Variants in RFX4 observed in about 807,000 individuals in gnomAD.
RFX4 encodes the protein transcription factor RFX4.
Under a neutral mutation model 95.0 loss-of-function variants are expected in RFX4, and 10 were observed. The ratio of observed to expected loss-of-function variants is 0.11; its 90% CI spans 0.06 to 0.18. The LOEUF is 0.18. Among genes scored for constraint, RFX4 ranks in the 10% least tolerant of loss-of-function variants. The pLI, the probability that RFX4 is intolerant of heterozygous loss-of-function variation, is 1.00. For missense variants in RFX4, 640 were observed against 922.0 expected (o/e 0.69, Z 3.96); for synonymous variants, 321 against 340.7 (o/e 0.94, Z 0.64).
Position 106,583,104 on chromosome 12 carries a change from C to T in RFX4, c.-217C>T. 2.3e-6 allele frequency: 1 copy of T among 435,466 alleles called. No individual in the cohort carries two copies. Among genetic ancestry groups the T allele is most frequent in the Non-Finnish European group, 4.0e-6 (1 of 251,858 alleles). The allele number at this position is 435,466 out of a possible 1,614,324, so 27.0% of individuals were successfully genotyped here. ...CCCCCTTCTCCGAGCTCGCTCCCTT[C>T]TCTCCCTCTCTCTCCTCTTTTCTTC... On this transcript the variant is annotated 5_prime_UTR_variant, in exon 1 of 18. Coordinates refer to ENST00000392842, the MANE Select transcript of RFX4 (RefSeq NM_213594.3).
chr12:106,674,771 T>G (rs1487401871), intron 4 of RFX4, among the ~76,000 whole-genome samples: 1 of 152,238 alleles, frequency 6.6e-6, no homozygotes, highest in Admixed American at 6.5e-5. Flanking sequence ...AGAGGCTGTT[T>G]CTGTTTTGCT....
At chr12:106,665,351 C>A (rs2041155166) in intron 4 of RFX4, among the ~76,000 whole-genome samples, 1 of 151,766 alleles carries the variant, frequency 6.6e-6, no homozygotes, top group South Asian at 2.1e-4. Context: ...TTTCTCCATC[C>A]ATTTACTTTT....
intron 15 of RFX4, among the ~76,000 whole-genome samples, chr12:106,738,329 G>GAC (rs2042749439): frequency 6.6e-6 from 1 of 152,192 alleles, no homozygotes; most frequent in African/African-American, 2.4e-5. Context: ...CAAATAAGGA[G>GAC]ACAGACTCAA....
chr12:106,743,825 T>C (rs576384127), intron 15 of RFX4, among the ~76,000 whole-genome samples: 2 of 152,338 alleles, frequency 1.3e-5, no homozygotes, highest in East Asian at 1.9e-4. Context: ...TTGACCTCGC[T>C]GTGCTCGCCT....
intron 1 of RFX4, among the ~76,000 whole-genome samples, chr12:106,595,698 G>C (rs915951207): frequency 6.6e-6 from 1 of 152,168 alleles, no homozygotes; most frequent in African/African-American, 2.4e-5. Flanking sequence ...ACTTAGAATA[G>C]GTTCAACATA....
At chr12:106,758,065 G>A (rs956580317) in intron 17 of RFX4, among the ~76,000 whole-genome samples, 1 of 152,222 alleles carries the variant, frequency 6.6e-6, no homozygotes, top group African/African-American at 2.4e-5. Flanking sequence ...GTAACTTGCT[G>A]TTATGGGCCC....
At chr12:106,610,128 C>T (rs1291049191) in intron 2 of RFX4, among the ~76,000 whole-genome samples, 2 of 151,076 alleles carry the variant, frequency 1.3e-5, no homozygotes, top group Non-Finnish European at 2.9e-5. Flanking sequence ...TAAAACACTA[C>T]TCGAGAGGCT....
At chr12:106,735,619 A>G (rs145838072) in intron 15 of RFX4, among the ~76,000 whole-genome samples, 45 of 152,344 alleles carry the variant, frequency 3.0e-4, no homozygotes, top group African/African-American at 1.1e-3. Flanking sequence ...TTTGAAGTGT[A>G]AAGAAAAAAA....
At chr12:106,601,183 C>CAGCT in intron 1 of RFX4, 1 of 1,524,784 alleles carries the variant, frequency 6.6e-7, no homozygotes, top group Non-Finnish European at 8.8e-7. Context: ...GGAGAGGCCA[C>CAGCT]AGCTGCTGGC....
At chr12:106,700,016 C>T (rs2041954754) in intron 8 of RFX4, among the ~76,000 whole-genome samples, 1 of 152,042 alleles carries the variant, frequency 6.6e-6, no homozygotes, top group Non-Finnish European at 1.5e-5. Flanking sequence ...CCATTTATCT[C>T]CATGGTTGGC....
intron 15 of RFX4, among the ~76,000 whole-genome samples, chr12:106,741,823 G>A (rs2042809371): frequency 6.6e-6 from 1 of 152,162 alleles, no homozygotes; most frequent in African/African-American, 2.4e-5. Context: ...GATGGTTTCA[G>A]GATAAAACTG....
intron 4 of RFX4, among the ~76,000 whole-genome samples, chr12:106,678,887 A>G (rs1467294375): frequency 1.3e-5 from 2 of 152,218 alleles, no homozygotes; most frequent in Admixed American, 6.5e-5. Flanking sequence ...GTTTTTAGAC[A>G]GTTTCCTATC....
rs202106353 is a variant in RFX4 at position 106,750,708 on chromosome 12, T to G, written c.1850T>G (p.Met617Arg). 634 of 1,611,674 alleles carry G rather than the reference T, an allele frequency of 3.9e-4. 1 individual carries two copies. Among genetic ancestry groups the G allele is most frequent in the Non-Finnish European group, 5.0e-4 (594 of 1,179,056 alleles). The change falls in exon 17 of 18, where the codon ATG becomes AGG. Residue 617 changes from methionine to arginine, a missense_variant. By Grantham distance (91) the Met-to-Arg change is moderately conservative. Transcript: ENST00000392842. ...GSYGNQHPHPMQSQYPALPHD... is the reference protein window; with the variant it reads ...GSYGNQHPHPRQSQYPALPHD... ...TATGGCAACCAGCATCCTCACCCCA[T>G]GCAGAGCCAGTATCCGGCCCTCCCT...
chr12:106,759,958 T>G (rs889904375), intron 17 of RFX4, among the ~76,000 whole-genome samples: 2 of 152,098 alleles, frequency 1.3e-5, no homozygotes, highest in African/African-American at 4.8e-5. Context: ...AGGCTCTCAC[T>G]CACAGAGGAA....
chr12:106,713,664 C>A (rs1191025039), intron 10 of RFX4, among the ~76,000 whole-genome samples: 2 of 152,152 alleles, frequency 1.3e-5, no homozygotes, highest in East Asian at 3.8e-4. Flanking sequence ...GAGTTCCCTG[C>A]ACTATGCACT....
chr12:106,588,849 G>A (rs1028993411), intron 1 of RFX4, among the ~76,000 whole-genome samples: 1 of 152,192 alleles, frequency 6.6e-6, no homozygotes, highest in Non-Finnish European at 1.5e-5. Context: ...CTGAAACATA[G>A]GGTTTTTCTT....
chr12:106,622,055 A>G (rs1420145565), intron 2 of RFX4, among the ~76,000 whole-genome samples: 5 of 152,194 alleles, frequency 3.3e-5, no homozygotes, highest in Non-Finnish European at 5.9e-5. Context: ...AACAACTCTT[A>G]GACAAGGAAA....
At position 106,586,768 on chromosome 12, in the gene RFX4, C is replaced by T. The variant is rs753051159; in HGVS notation, c.43+3405C>T. Among the ~76,000 whole-genome samples the T allele has an allele frequency of 6.6e-6, 1 of 152,228 alleles. No individual in the cohort carries two copies. The highest frequency in any genetic ancestry group is 1.5e-5 in the Non-Finnish European group (1 of 68,044). ...AATTAATTATATGCCTTTGTGGGCC[C>T]GGGGTAGGGATGTCCAGTGGCCTTG... On this transcript the variant is annotated intron_variant, in intron 1 of 17. Transcript: ENST00000392842. The surrounding 1 kb of genome is among the most constrained non-coding windows in gnomAD (Gnocchi z 5.6).
chr12:106,615,269 A>G (rs7310098), intron 2 of RFX4, among the ~76,000 whole-genome samples: 48,974 of 151,986 alleles, frequency 0.32, 8,512 homozygotes, highest in African/African-American at 0.46. Flanking sequence ...TGGTGCCTTC[A>G]TCATAAATTG....
Sources: gnomAD v4.1 joint callset for allele counts (sites outside exome capture counted in the v4.1 genomes callset) on GRCh38, gnomAD v4.1.1 for gene constraint, Gnocchi (gnomAD v3.1) non-coding constraint, MANE v1.5 for transcripts, NCBI Gene and HGNC (gene_info 2026-07-23, HGNC 2026-07-21) for gene names.